The following MARCHF1 variants were observed in gnomAD, a reference collection of about 807,000 sequenced individuals.
MARCHF1 encodes the protein membrane associated ring-CH-type finger 1.
MARCHF1 carries 40 observed loss-of-function variants against 54.2 expected under a neutral mutation model. The ratio of observed to expected loss-of-function variants is 0.74; its 90% CI spans 0.57 to 0.96. The LOEUF is 0.96. MARCHF1 is among the 40% of genes least tolerant of loss of function. MARCHF1 has a pLI of 0.00. For missense variants in MARCHF1, 586 were observed against 656.5 expected (o/e 0.89, Z 1.17); for synonymous variants, 236 against 236.3 (o/e 1.00, Z 0.01).
intron 4 of MARCHF1, among the ~76,000 whole-genome samples, chr4:163,789,991 G>T (rs1320730675): frequency 6.6e-6 from 1 of 152,046 alleles, no homozygotes; most frequent in Non-Finnish European, 1.5e-5. Flanking sequence ...CACCAGTTCA[G>T]TAAGTATAAC....
At chr4:163,543,078 G>A (rs1357490134) in intron 9 of MARCHF1, among the ~76,000 whole-genome samples, 1 of 152,108 alleles carries the variant, frequency 6.6e-6, no homozygotes, top group Non-Finnish European at 1.5e-5. Context: ...ACTAGGTCAC[G>A]GGGGCAGCAT....
At chr4:163,689,696 C>T (rs147764691) in intron 5 of MARCHF1, among the ~76,000 whole-genome samples, 77 of 151,144 alleles carry the variant, frequency 5.1e-4, no homozygotes, top group African/African-American at 1.8e-3. Flanking sequence ...AATCCTTTTT[C>T]ATCTTGACCT....
At chr4:164,271,077 G>T (rs1257223816) in intron 1 of MARCHF1, among the ~76,000 whole-genome samples, 1 of 152,156 alleles carries the variant, frequency 6.6e-6, no homozygotes, top group Non-Finnish European at 1.5e-5. Context: ...AACTGATTTG[G>T]ATGTCATTAG....
chr4:163,781,887 T>A (rs1747475965), intron 4 of MARCHF1, among the ~76,000 whole-genome samples: 1 of 152,214 alleles, frequency 6.6e-6, no homozygotes, highest in South Asian at 2.1e-4. Flanking sequence ...TTTACAAAGA[T>A]AACATATTAG....
rs186854561 is a variant in MARCHF1, at chr4:163,915,603, T to C, written c.-38-61434A>G. ...AATCCCACTACTTGTACTAAATATA[T>C]CATATTAACATTAGACTTTAATCAC... On this transcript the variant is annotated intron_variant, in intron 3 of 9. Transcript: ENST00000514618. Among the ~76,000 whole-genome samples the C allele has an allele frequency of 2.5e-4, 38 of 152,238 alleles. 1 individual carries two copies. The highest frequency in any genetic ancestry group is 2.5e-3 in the Admixed American group (38 of 15,270).
intron 8 of MARCHF1, among the ~76,000 whole-genome samples, chr4:163,582,782 T>C (rs890991382): frequency 6.7e-6 from 1 of 150,282 alleles, no homozygotes; most frequent in Non-Finnish European, 1.5e-5. Context: ...AAAAAAACTA[T>C]TGATGAATCT....
intron 5 of MARCHF1, among the ~76,000 whole-genome samples, chr4:163,639,255 C>A (rs1257343688): frequency 6.6e-6 from 1 of 152,058 alleles, no homozygotes; most frequent in Non-Finnish European, 1.5e-5. Context: ...ATAGCTGAAA[C>A]CATAATCCAT....
At chr4:163,578,847 G>T (rs7693363) in intron 8 of MARCHF1, among the ~76,000 whole-genome samples, 13,799 of 152,020 alleles carry the variant, frequency 0.091, 1,088 homozygotes, top group African/African-American at 0.2. Flanking sequence ...CACATGACTG[G>T]TATATGGTAT....
intron 4 of MARCHF1, among the ~76,000 whole-genome samples, chr4:163,727,338 C>G (rs371519336): frequency 6.7e-6 from 1 of 149,152 alleles, no homozygotes; most frequent in African/African-American, 2.5e-5. Context: ...GACGGAGTCT[C>G]GCTCTGTCGC....
chr4:163,663,323 T>C (rs1184393933), intron 5 of MARCHF1, among the ~76,000 whole-genome samples: 3 of 151,572 alleles, frequency 2.0e-5, no homozygotes, highest in African/African-American at 7.3e-5. Context: ...CCCTTGCCAC[T>C]AGATGATCAC....
chr4:164,288,805 G>C, intron 1 of MARCHF1, among the ~76,000 whole-genome samples: 1 of 152,018 alleles, frequency 6.6e-6, no homozygotes, highest in East Asian at 1.9e-4. Context: ...AAAAAATTCC[G>C]AGGTGAGAGT....
intron 2 of MARCHF1, among the ~76,000 whole-genome samples, chr4:164,027,202 C>A (rs2110982303): frequency 6.6e-6 from 1 of 151,306 alleles, no homozygotes; most frequent in South Asian, 2.1e-4. Context: ...ATCAAACTAC[C>A]AGCATAATTT....
rs1560940491 is a variant in MARCHF1 at position 164,176,968 on chromosome 4, CT to C, written c.-322-65307del. 3.7e-3 allele frequency among the ~76,000 whole-genome samples: 160 copies of C among 43,152 alleles called. 5 individuals are homozygous for C. The highest frequency in any genetic ancestry group is 0.011 in the South Asian group (10 of 928). The allele number at this position is 43,152 out of a possible 152,430, so 28.3% of individuals were successfully genotyped here. On this transcript the variant is annotated intron_variant, in intron 1 of 9. Coordinates refer to ENST00000514618, the MANE Select transcript of MARCHF1 (RefSeq NM_001394959.1). Reference sequence around the variant, plus strand: ...TCTCTCTCTCTCTCTCTCTCTCTCTCTCTCTCTCTCTCTATATATATATATA... The same window carrying C: ...TCTCTCTCTCTCTCTCTCTCTCTCTCCTCTCTCTCTCTATATATATATATA...
intron 4 of MARCHF1, among the ~76,000 whole-genome samples, chr4:163,783,552 C>T (rs1179896995): frequency 2.0e-5 from 3 of 152,210 alleles, no homozygotes; most frequent in Non-Finnish European, 4.4e-5. Context: ...CATCTGTCTT[C>T]ACCGTAGCTG....
intron 1 of MARCHF1, among the ~76,000 whole-genome samples, chr4:164,323,249 T>G (rs1262332750): frequency 6.6e-6 from 1 of 151,672 alleles, no homozygotes; most frequent in Non-Finnish European, 1.5e-5. Flanking sequence ...ATAAACATAC[T>G]TTTAAAATAA....
intron 1 of MARCHF1, among the ~76,000 whole-genome samples, chr4:164,322,711 CA>C (rs1334510785): frequency 6.6e-6 from 1 of 151,496 alleles, no homozygotes; most frequent in Non-Finnish European, 1.5e-5. Flanking sequence ...TATGTATTCA[CA>C]AAAATAAAAT....
At chr4:163,929,291 G>C (rs1172360212) in intron 3 of MARCHF1, among the ~76,000 whole-genome samples, 1 of 151,924 alleles carries the variant, frequency 6.6e-6, no homozygotes, top group Non-Finnish European at 1.5e-5. Flanking sequence ...TCTTTCAACA[G>C]TAAAATGGCA....
At chr4:164,196,812 TCC>T (rs1731273748) in intron 1 of MARCHF1, among the ~76,000 whole-genome samples, 1 of 151,962 alleles carries the variant, frequency 6.6e-6, no homozygotes, top group African/African-American at 2.4e-5. Flanking sequence ...CCTCCTGCCC[TCC>T]CTCCCTCCAC....
chr4:163,948,787 CA>C (rs1752072545), intron 3 of MARCHF1, among the ~76,000 whole-genome samples: 1 of 152,158 alleles, frequency 6.6e-6, no homozygotes, highest in South Asian at 2.1e-4. Flanking sequence ...TTTAATGGAA[CA>C]ATCAGCAACA....
Sources: gnomAD v4.1 joint callset for allele counts (sites outside exome capture counted in the v4.1 genomes callset) on GRCh38, gnomAD v4.1.1 for gene constraint, MANE v1.5 for transcripts, NCBI Gene and HGNC (gene_info 2026-07-23, HGNC 2026-07-21) for gene names.